The following TET3 variants were observed in gnomAD, a reference collection of about 807,000 sequenced individuals.
TET3 encodes tet methylcytosine dioxygenase 3.
TET3 carries 19 observed loss-of-function variants against 141.4 expected under a neutral mutation model. The ratio of observed to expected loss-of-function variants is 0.13; its 90% CI spans 0.09 to 0.20. The LOEUF (loss-of-function observed/expected upper bound fraction) is 0.20, where lower values mean the gene tolerates loss of function less well. Ranked by LOEUF, TET3 falls within the 10% of genes least tolerant of loss-of-function variation. The pLI is 1.00. For missense variants in TET3, 1,874 were observed against 2,356.9 expected (o/e 0.80, Z 4.24); for synonymous variants, 1,043 against 980.9 (o/e 1.06, Z -1.18).
the TET3 span, among the ~76,000 whole-genome samples, chr2:74,127,853 C>T: frequency 6.6e-6 from 1 of 152,168 alleles, no homozygotes. Context: ...ATACGTGATA[C>T]TGACTAAACA....
At chr2:74,063,366 A>G (rs1688701032) in intron 4 of TET3, among the ~76,000 whole-genome samples, 1 of 152,148 alleles carries the variant, frequency 6.6e-6, no homozygotes, top group African/African-American at 2.4e-5. Context: ...ATAATTTGTC[A>G]GGCAATACTT....
chr2:74,021,327 G>A (rs1434941443), intron 3 of TET3, among the ~76,000 whole-genome samples: 1 of 152,218 alleles, frequency 6.6e-6, no homozygotes, highest in East Asian at 1.9e-4. Flanking sequence ...CCTCCTTACA[G>A]AGCAGAGCGC....
At chr2:74,095,920 T>G (rs146789439) in intron 10 of TET3, among the ~76,000 whole-genome samples, 36 of 152,388 alleles carry the variant, frequency 2.4e-4, no homozygotes, top group African/African-American at 8.4e-4. Context: ...CTGGATTTTG[T>G]CAGTCTCTTT....
Position 74,069,149 on chromosome 2 carries a change from T to C in TET3, c.2495-4400T>C, listed in dbSNP as rs559482575. Among the ~76,000 whole-genome samples, 199 of 152,096 alleles carry C rather than the reference T, an allele frequency of 1.3e-3. 1 individual carries two copies. The highest frequency in any genetic ancestry group is 4.7e-3 in the African/African-American group (193 of 41,488). ...TTCTAGCACGTGTATAGTTTAATTT[T>C]TTTTTTTATTTTAATCTTTCAGCCA... On this transcript the variant is annotated intron_variant, in intron 4 of 11. Transcript: ENST00000409262.
intron 8 of TET3, among the ~76,000 whole-genome samples, 164 bp downstream of exon 8, chr2:74,090,211 G>T (rs1038492156): frequency 1.3e-5 from 2 of 152,228 alleles, no homozygotes; most frequent in African/African-American, 4.8e-5. Flanking sequence ...GAAATAAGGG[G>T]TGTGTGGAGG....
At chr2:74,017,745 C>T (rs1020121684) in intron 3 of TET3, among the ~76,000 whole-genome samples, 4 of 152,184 alleles carry the variant, frequency 2.6e-5, no homozygotes, top group African/African-American at 4.8e-5. Flanking sequence ...TTCTTTTGGA[C>T]GTATATCCAG....
At chr2:74,110,788 C>T (rs753071990), downstream of TET3, among the ~76,000 whole-genome samples, 18 of 152,106 alleles carry the variant, frequency 1.2e-4, no homozygotes, top group Non-Finnish European at 1.9e-4. Flanking sequence ...CCCTGCTGCT[C>T]GGTACCCCTG....
chr2:74,102,689 A>G lies in TET3; in HGVS notation c.*513A>G, dbSNP rs1691297292. On this transcript the variant is annotated 3_prime_UTR_variant, in exon 12 of 12. Coordinates refer to ENST00000409262, the MANE Select transcript of TET3 (RefSeq NM_001287491.2). ...CAGTCTCGCTGGGTCTGGCGAGCCA[A>G]GCCCCTCGGGCGCTGGCGAGGTCCT... 6.6e-6 allele frequency: 1 copy of G among 152,190 alleles called. No individual in the cohort carries two copies. The highest frequency in any genetic ancestry group is 2.4e-5 in the African/African-American group (1 of 41,442). The allele number at this position is 152,190 out of a possible 1,614,324, so 9.4% of individuals were successfully genotyped here. A position where few individuals can be genotyped will look rare whatever the true frequency, so the allele number is the denominator to read the frequency against.
chr2:74,065,905 C>T (rs1431780461), intron 4 of TET3, among the ~76,000 whole-genome samples: 1 of 151,886 alleles, frequency 6.6e-6, no homozygotes, highest in African/African-American at 2.4e-5. Flanking sequence ...ACTACAGGCA[C>T]CCGCCACCAT....
chr2:74,014,372 G>T (rs916614239), intron 3 of TET3, among the ~76,000 whole-genome samples: 1 of 151,958 alleles, frequency 6.6e-6, no homozygotes, highest in African/African-American at 2.4e-5. Flanking sequence ...TGAGAATTCC[G>T]AGCCCCGATT....
At chr2:73,993,921 T>A (rs1254469064) in intron 2 of TET3, among the ~76,000 whole-genome samples, 1 of 151,858 alleles carries the variant, frequency 6.6e-6, no homozygotes, top group Non-Finnish European at 1.5e-5. Flanking sequence ...TCTGGAAGCT[T>A]ATGGAGCAGA....
intron 3 of TET3, among the ~76,000 whole-genome samples, chr2:74,029,981 G>C (rs1558727177): frequency 6.6e-6 from 1 of 152,182 alleles, no homozygotes; most frequent in East Asian, 1.9e-4. Flanking sequence ...AGTGATAGTG[G>C]TACAGTATCA....
chr2:74,026,815 G>T (rs2105272421), intron 3 of TET3, among the ~76,000 whole-genome samples: 1 of 151,768 alleles, frequency 6.6e-6, no homozygotes, highest in South Asian at 2.1e-4. Context: ...GGAATCAGCT[G>T]GTTTTAAGTC....
At chr2:74,060,582 G>A (rs1456256891) in intron 4 of TET3, among the ~76,000 whole-genome samples, 1 of 151,688 alleles carries the variant, frequency 6.6e-6, no homozygotes, top group Non-Finnish European at 1.5e-5. Context: ...AGGGGGATTT[G>A]GCAGGGTCAT....
At chr2:74,082,400 G>GC (rs2104008023) in intron 6 of TET3, among the ~76,000 whole-genome samples, 1 of 152,250 alleles carries the variant, frequency 6.6e-6, no homozygotes, top group East Asian at 1.9e-4. Flanking sequence ...GTGGACGGAT[G>GC]CCCAGAGCAG....
intron 3 of TET3, among the ~76,000 whole-genome samples, chr2:74,017,666 CTT>C (rs994739263): frequency 1.3e-5 from 2 of 152,186 alleles, no homozygotes; most frequent in African/African-American, 4.8e-5. Flanking sequence ...GATTCCATAT[CTT>C]GGATGTTGTC....
rs966481073 is a variant in TET3, at chr2:74,087,321, G to A, written c.2680-509G>A. ...GCCTGAGTCCTGCTCTCAGTCCCTC[G>A]AGTGTATTCCTAGGCATGGAATTGC... On this transcript the variant is annotated intron_variant, in intron 6 of 11. Coordinates refer to ENST00000409262, the MANE Select transcript of TET3 (RefSeq NM_001287491.2). This position sits in a 1 kb window ranked among gnomAD's most constrained non-coding sequence, Gnocchi z 4.3. Among the ~76,000 whole-genome samples, 1 of 152,110 alleles carries A rather than the reference G, an allele frequency of 6.6e-6. No homozygotes were observed. Among genetic ancestry groups the A allele is most frequent in the African/African-American group, 2.4e-5 (1 of 41,398 alleles).
At chr2:74,058,397 T>C (rs1414615001) in intron 4 of TET3, among the ~76,000 whole-genome samples, 1 of 152,082 alleles carries the variant, frequency 6.6e-6, no homozygotes, top group African/African-American at 2.4e-5. Context: ...AAAGGTGGAA[T>C]AGAAAACATT....
Position 74,101,790 on chromosome 2 carries a change from G to A in TET3, c.5002G>A (p.Ala1668Thr). The part of the protein sequence containing the change: ...PAHGSILIEC[A>T]RRELHATTPL... ...CCACGGCTCCATCCTCATCGAGTGT[G>A]CCCGGCGGGAGCTGCACGCCACCAC... The change falls in exon 12 of 12, where the codon GCC becomes ACC. Residue 1668 changes from alanine (A) to threonine (T), a missense_variant. This residue lies in a region of TET3 where 41 missense variants were observed against 116.8 expected (regional missense o/e 0.35). Coordinates refer to ENST00000409262, the MANE Select transcript of TET3 (RefSeq NM_001287491.2). The surrounding 1 kb of genome is among the most constrained non-coding windows in gnomAD (Gnocchi z 8.5). 1 of 1,613,060 alleles carries A rather than the reference G, an allele frequency of 6.2e-7. No homozygotes were observed. Among genetic ancestry groups the A allele is most frequent in the Non-Finnish European group, 8.5e-7 (1 of 1,179,856 alleles).
Sources: allele counts gnomAD v4.1 joint callset (sites outside exome capture counted in the v4.1 genomes callset), GRCh38; gene constraint gnomAD v4.1.1; regional missense constraint gnomAD v4.1.1; non-coding constraint Gnocchi (gnomAD v3.1); transcripts MANE v1.5; gene names NCBI Gene and HGNC (gene_info 2026-07-23, HGNC 2026-07-21).